The following ZNF737 variants were observed in gnomAD, a reference collection of about 807,000 sequenced individuals.
ZNF737 encodes zinc finger protein 102 (Y3).
ZNF737 carries 13 observed loss-of-function variants against 11.7 expected under a neutral mutation model. The ratio of observed to expected loss-of-function variants is 1.11; its 90% CI spans 0.73 to 1.77. ZNF737 has a LOEUF of 1.77. Among genes scored for constraint, ZNF737 ranks in the 40% most tolerant of loss-of-function variants. The pLI, the probability that ZNF737 is intolerant of heterozygous loss-of-function variation, is 0.00. For missense variants in ZNF737, 636 were observed against 638.0 expected, an observed-to-expected ratio of 1.00 and a Z score of 0.03; for synonymous variants, 217 against 216.2, an observed-to-expected ratio of 1.00 and a Z score of -0.03.
intron 1 of ZNF737, among the ~76,000 whole-genome samples, chr19:20,564,835 T>G (rs1388404880): frequency 4.5e-5 from 5 of 110,764 alleles, no homozygotes; most frequent in Non-Finnish European, 1.1e-4. Flanking sequence ...AAAAAAAATC[T>G]AAGCTCATGT....
intron 3 of ZNF737, among the ~76,000 whole-genome samples, chr19:20,551,718 TAACC>T (rs1489888209): frequency 6.6e-6 from 1 of 151,576 alleles, no homozygotes; most frequent in Non-Finnish European, 1.5e-5. Flanking sequence ...AGAAAAAAAT[TAACC>T]AAGAAGGTAA....
chr19:20,553,673 T>C, intron 2 of ZNF737, 36 bp downstream of exon 2: 1 of 1,592,292 alleles, frequency 6.3e-7, no homozygotes, highest in Non-Finnish European at 8.6e-7. Context: ...AAGTCTTTTG[T>C]GTATATTATG....
chr19:20,530,374 C>G, the ZNF737 span, among the ~76,000 whole-genome samples: 1 of 147,858 alleles, frequency 6.8e-6, no homozygotes, highest in African/African-American at 2.5e-5. Context: ...CCCCCCACCT[C>G]CCTCCCGGAC....
Position 20,539,138 on chromosome 19 carries a change from A to T in ZNF737, c.*5454T>A. 1 of 314,214 alleles carries T rather than the reference A, an allele frequency of 3.2e-6. No homozygotes were observed. Among genetic ancestry groups the T allele is most frequent in the African/African-American group, 3.2e-5 (1 of 31,600 alleles). 19.5% of individuals were successfully genotyped at this position (314,214 alleles called of 1,614,324 possible). ...TGATGAAATCCCATCTCTACTACAA[A>T]AATTATCCGGGCATAATGGCGGGTG... On this transcript the variant is annotated 3_prime_UTR_variant, in exon 4 of 4. Transcript: ENST00000427401.
In ZNF737 at chr19:20,544,451, A is replaced by G. The variant is rs1599404728; in HGVS notation, c.*141T>C. ...GTTGGGTTTCTTTCCCGCATGAATT[A>G]TCTAATGTCTACTAAGGTTTGAGGA... On this transcript the variant is annotated 3_prime_UTR_variant, in exon 4 of 4. Transcript: ENST00000427401. 12 of 1,488,078 alleles carry G rather than the reference A, an allele frequency of 8.1e-6. No individual in the cohort carries two copies. The East Asian group carries it at 2.3e-4, about 29-fold the overall frequency. 92.2% of individuals were successfully genotyped at this position (1,488,078 alleles called of 1,614,324 possible).
At position 20,538,857 on chromosome 19, in the gene ZNF737, A is replaced by G. The variant is rs797042764; in HGVS notation, c.*5735T>C. 4 of 985,286 alleles carry G rather than the reference A, an allele frequency of 4.1e-6. No homozygotes were observed. In the East Asian group the frequency reaches 4.5e-4, roughly 112 times the overall value. 61.0% of individuals were successfully genotyped at this position (985,286 alleles called of 1,614,324 possible). A position where few individuals can be genotyped will look rare whatever the true frequency, so the allele number is the denominator to read the frequency against. The stretch of plus-strand genomic sequence containing the variant: ...CAACTAATGGCATCTGTTACCCATT[A>G]ATTTTATACATTTGCTTTTTTGAAA... On this transcript the variant is annotated 3_prime_UTR_variant, in exon 4 of 4. Transcript: ENST00000427401.
At chr19:20,564,286 G>A (rs1443121088) in intron 1 of ZNF737, 2 of 152,310 alleles carry the variant, frequency 1.3e-5, no homozygotes, top group Middle Eastern at 6.8e-3. Context: ...ACAGGATATA[G>A]AACTGAGATA....
Position 20,539,846 on chromosome 19 carries a change from T to A in ZNF737, c.*4746A>T, listed in dbSNP as rs572422925. 13 of 984,902 alleles carry A rather than the reference T, an allele frequency of 1.3e-5. No homozygotes were observed. The highest frequency in any genetic ancestry group is 4.7e-5 in the South Asian group (1 of 21,274). The allele number at this position is 984,902 out of a possible 1,614,324, so 61.0% of individuals were successfully genotyped here. A position where few individuals can be genotyped will look rare whatever the true frequency, so the allele number is the denominator to read the frequency against. On this transcript the variant is annotated 3_prime_UTR_variant, in exon 4 of 4. Transcript: ENST00000427401. ...GAATGGTGCAGACATGCTGATTGAATTAGAATGAGTTCAGCCTTGTTGGTA... is the reference window on the plus strand; with the variant it reads ...GAATGGTGCAGACATGCTGATTGAAATAGAATGAGTTCAGCCTTGTTGGTA...
At chr19:20,565,155 G>T (rs1969248699) in intron 1 of ZNF737, among the ~76,000 whole-genome samples, 1 of 152,100 alleles carries the variant, frequency 6.6e-6, no homozygotes, top group Non-Finnish European at 1.5e-5. Context: ...GGCTTATCTT[G>T]AAGTCCTGAC....
At position 20,542,268 on chromosome 19, in the gene ZNF737, G is replaced by A; in HGVS notation, c.*2324C>T. The A allele has an allele frequency of 1.1e-6, 1 of 882,038 alleles. No individual in the cohort carries two copies. Among genetic ancestry groups the A allele is most frequent in the Non-Finnish European group, 1.4e-6 (1 of 737,184 alleles). The allele number at this position is 882,038 out of a possible 1,614,324, so 54.6% of individuals were successfully genotyped here. ...TTTGAGACAGAGTTTTGCTCTTGTTGCCCAGACTGGAGTGCAATCGCACAA... is the reference window on the plus strand; with the variant it reads ...TTTGAGACAGAGTTTTGCTCTTGTTACCCAGACTGGAGTGCAATCGCACAA... On this transcript the variant is annotated 3_prime_UTR_variant, in exon 4 of 4. Coordinates refer to ENST00000427401, the MANE Select transcript of ZNF737 (RefSeq NM_001159293.2).
rs568569124 is a variant in ZNF737 at position 20,544,464 on chromosome 19, T to A, written c.*128A>T. On this transcript the variant is annotated 3_prime_UTR_variant, in exon 4 of 4. Coordinates refer to ENST00000427401, the MANE Select transcript of ZNF737 (RefSeq NM_001159293.2). ...CCCGCATGAATTATCTAATGTCTAC[T>A]AAGGTTTGAGGATGAAATAAAGGCT... The A allele has an allele frequency of 2.1e-5, 31 of 1,506,474 alleles. No homozygotes were observed. Among genetic ancestry groups the A allele is most frequent in the Non-Finnish European group, 2.3e-5 (26 of 1,136,516 alleles). 93.3% of individuals were successfully genotyped at this position (1,506,474 alleles called of 1,614,324 possible).
At chr19:20,533,726 T>C (rs1967884941), downstream of ZNF737, among the ~76,000 whole-genome samples, 1 of 150,108 alleles carries the variant, frequency 6.7e-6, no homozygotes, top group African/African-American at 2.5e-5. Context: ...TTCTTTTTGG[T>C]GTGCATGGGC....
intron 1 of ZNF737, among the ~76,000 whole-genome samples, chr19:20,555,513 C>G (rs782286518): frequency 7.2e-5 from 11 of 152,146 alleles, no homozygotes; most frequent in East Asian, 1.9e-4. Flanking sequence ...GTTCGGCATA[C>G]AGCTAATGGA....
chr19:20,555,804 G>C (rs1968867466), intron 1 of ZNF737, among the ~76,000 whole-genome samples: 1 of 151,730 alleles, frequency 6.6e-6, no homozygotes, highest in Non-Finnish European at 1.5e-5. Context: ...TTCAGCTGAG[G>C]CACGTTTACC....
chr19:20,542,237 T>C lies in ZNF737; in HGVS notation c.*2355A>G. 18 of 976,172 alleles carry C rather than the reference T, an allele frequency of 1.8e-5. No individual in the cohort carries two copies. Among genetic ancestry groups the C allele is most frequent in the Non-Finnish European group, 2.1e-5 (17 of 821,920 alleles). The allele number at this position is 976,172 out of a possible 1,614,324, so 60.5% of individuals were successfully genotyped here. ...GTTCACAAATAATCTAACAAACTTTTTTTTTTTTGAGACAGAGTTTTGCTC... is the reference window on the plus strand; with the variant it reads ...GTTCACAAATAATCTAACAAACTTTCTTTTTTTTGAGACAGAGTTTTGCTC... On this transcript the variant is annotated 3_prime_UTR_variant, in exon 4 of 4. Transcript: ENST00000427401.
In ZNF737 at chr19:20,539,352, A is replaced by G. The variant is rs1471793359; in HGVS notation, c.*5240T>C. Reference sequence around the variant, plus strand: ...AAACCCTGGGAAGCCCCTATAAAATACTCCCTTTGAATACTTTAGCCAGGA... The same window carrying G: ...AAACCCTGGGAAGCCCCTATAAAATGCTCCCTTTGAATACTTTAGCCAGGA... On this transcript the variant is annotated 3_prime_UTR_variant, in exon 4 of 4. Coordinates refer to ENST00000427401, the MANE Select transcript of ZNF737 (RefSeq NM_001159293.2). The G allele has an allele frequency of 1.0e-6, 1 of 985,076 alleles. No individual in the cohort carries two copies. The highest frequency in any genetic ancestry group is 1.2e-6 in the Non-Finnish European group (1 of 829,892). The allele number at this position is 985,076 out of a possible 1,614,324, so 61.0% of individuals were successfully genotyped here.
At position 20,542,794 on chromosome 19, in the gene ZNF737, G is replaced by T. The variant is rs75395213; in HGVS notation, c.*1798C>A. ...AATGTCCAAATAATGTAAAAAAATC[G>T]AATATCTCTGATGCAGAAGCCACTG... On this transcript the variant is annotated 3_prime_UTR_variant, in exon 4 of 4. Transcript: ENST00000427401. 1.0e-6 allele frequency: 1 copy of T among 984,866 alleles called. No individual in the cohort carries two copies. The highest frequency in any genetic ancestry group is 1.2e-6 in the Non-Finnish European group (1 of 829,734). The allele number at this position is 984,866 out of a possible 1,614,324, so 61.0% of individuals were successfully genotyped here.
chr19:20,534,958 C>T (rs1245605068), downstream of ZNF737, among the ~76,000 whole-genome samples: 29 of 149,920 alleles, frequency 1.9e-4, 1 homozygote, highest in Admixed American at 6.0e-4. Flanking sequence ...TTTAATCAGC[C>T]ATAACAGTAA....
Position 20,542,207 on chromosome 19 carries a change from AT to A in ZNF737, c.*2384del, listed in dbSNP as rs1235726633. ...CTTACCATGGTAAAAATAAAATAAA[AT>A]TAAGTTCACAAATAATCTAACAAAC... On this transcript the variant is annotated 3_prime_UTR_variant, in exon 4 of 4. Transcript: ENST00000427401. 2.4e-5 allele frequency: 24 copies of A among 983,670 alleles called. No homozygotes were observed. In the African/African-American group the frequency reaches 3.9e-4, roughly 16 times the overall value. 60.9% of individuals were successfully genotyped at this position (983,670 alleles called of 1,614,324 possible). A position where few individuals can be genotyped will look rare whatever the true frequency, so the allele number is the denominator to read the frequency against.
Sources: gnomAD v4.1 joint callset for allele counts (sites outside exome capture counted in the v4.1 genomes callset) on GRCh38, gnomAD v4.1.1 for gene constraint, MANE v1.5 for transcripts, NCBI Gene and HGNC (gene_info 2026-07-23, HGNC 2026-07-21) for gene names.